ZNF292: variants seen among roughly 807,000 people sequenced by gnomAD.
ZNF292 encodes 16 zinc-finger domain protein.
ZNF292 carries 26 observed loss-of-function variants against 217.9 expected under a neutral mutation model. That is an observed-to-expected ratio of 0.12 (90% CI 0.09 to 0.17). ZNF292 has a LOEUF of 0.17. Ranked by LOEUF, ZNF292 falls within the 10% of genes least tolerant of loss-of-function variation. The probability of loss-of-function intolerance (pLI) is 1.00; values close to 1 mark genes in which losing one functional copy is unlikely to be tolerated. For synonymous variants in ZNF292, 1,257 were observed against 1,124.1 expected, an observed-to-expected ratio of 1.12 and a Z score of -2.37; for missense variants, 2,904 against 3,175.2, an observed-to-expected ratio of 0.91 and a Z score of 2.05.
chr6:87,171,736 A>G (rs1771106365), intron 1 of ZNF292, among the ~76,000 whole-genome samples: 1 of 152,166 alleles, frequency 6.6e-6, no homozygotes, highest in South Asian at 2.1e-4. Flanking sequence ...AGCTTGGACT[A>G]GTTAACATTT....
chr6:87,216,141 ACACACACACACAC>A (rs1772758544), intron 2 of ZNF292, 84 bp downstream of exon 2: 1 of 1,170,924 alleles, frequency 8.5e-7, no homozygotes, highest in African/African-American at 1.6e-5. Flanking sequence ...ACACACACAC[ACACACACACACAC>A]ACAACATTAA....
At chr6:87,225,476 T>C (rs1483786029) in intron 4 of ZNF292, among the ~76,000 whole-genome samples, 1 of 152,154 alleles carries the variant, frequency 6.6e-6, no homozygotes, top group East Asian at 1.9e-4. Context: ...CTATGGTCTT[T>C]TCTAGAAATT....
rs563836574 is a variant in ZNF292, at chr6:87,239,460, C to T, written c.742-4015C>T. 8.2e-3 allele frequency among the ~76,000 whole-genome samples: 1,196 copies of T among 145,988 alleles called. 13 individuals carry two copies. Among genetic ancestry groups the T allele is most frequent in the African/African-American group, 0.029 (1,059 of 36,456 alleles). On this transcript the variant is annotated intron_variant, in intron 5 of 7. Transcript: ENST00000369577. ...CGGGGGCTGCCCCCCACCTACCTCCCGGATGGGGCGGCTGGCCGGGCGGGG... is the reference window on the plus strand; with the variant it reads ...CGGGGGCTGCCCCCCACCTACCTCCTGGATGGGGCGGCTGGCCGGGCGGGG...
At chr6:87,189,184 G>A (rs982957566) in intron 1 of ZNF292, among the ~76,000 whole-genome samples, 7 of 151,840 alleles carry the variant, frequency 4.6e-5, no homozygotes, top group Admixed American at 6.6e-5. Context: ...CAGCCTGGGC[G>A]ACAGAGTGAA....
chr6:87,162,668 C>CGCA (rs1770785878), intron 1 of ZNF292, among the ~76,000 whole-genome samples: 1 of 152,148 alleles, frequency 6.6e-6, no homozygotes, highest in Non-Finnish European at 1.5e-5. Flanking sequence ...CTAAGCTTTG[C>CGCA]TTGCCCCCTT....
At chr6:87,184,559 C>T (rs1024137576) in intron 1 of ZNF292, among the ~76,000 whole-genome samples, 2 of 144,786 alleles carry the variant, frequency 1.4e-5, no homozygotes, top group African/African-American at 5.2e-5. Context: ...TGATTGGCTT[C>T]TCCAATACTA....
rs78256601 is a variant in ZNF292 at position 87,221,555 on chromosome 6, A to G, written c.538+2824A>G. On this transcript the variant is annotated intron_variant, in intron 4 of 7. Coordinates refer to ENST00000369577, the MANE Select transcript of ZNF292 (RefSeq NM_015021.3). ...TGGACCTGGTGCTGCCTCTAAAGCC[A>G]TAGTAAAGTATAAATCTCTCTTTCA... 6.5e-3 allele frequency among the ~76,000 whole-genome samples: 995 copies of G among 152,328 alleles called. 16 individuals carry two copies. Among genetic ancestry groups the G allele is most frequent in the African/African-American group, 0.023 (954 of 41,578 alleles).
intron 1 of ZNF292, among the ~76,000 whole-genome samples, chr6:87,164,793 T>C (rs9294373): frequency 0.63 from 91,852 of 146,546 alleles, 30,459 homozygotes; most frequent in African/African-American, 0.85. Context: ...TATGGAGTCT[T>C]GCTCTGTCGC....
chr6:87,259,722 T>C lies in ZNF292; in HGVS notation c.6093T>C (p.Asn2031=). 6.2e-7 allele frequency: 1 copy of C among 1,603,014 alleles called. No individual in the cohort carries two copies. The highest frequency in any genetic ancestry group is 8.5e-7 in the Non-Finnish European group (1 of 1,174,612). The change falls in exon 8 of 8, where the codon AAT becomes AAC. Residue 2031 remains asparagine (N), a synonymous_variant. Coordinates refer to ENST00000369577, the MANE Select transcript of ZNF292 (RefSeq NM_015021.3). ...TAGAATTGAGAGCAGAGACCCAAAA[T>C]ACCCACAGTAATGTAGCAGTGATCC... The part of the protein sequence containing the change: ...PALELRAETQ[N]THSNVAVIPE...
intron 1 of ZNF292, among the ~76,000 whole-genome samples, chr6:87,176,763 T>C (rs1771310201): frequency 6.6e-6 from 1 of 152,296 alleles, no homozygotes; most frequent in South Asian, 2.1e-4. Flanking sequence ...TCTTCAGCAG[T>C]CATCCACTCT....
chr6:87,263,231 G>C lies in ZNF292; in HGVS notation c.*1430G>C, dbSNP rs545732253. 2.6e-5 allele frequency: 4 copies of C among 152,154 alleles called. No individual in the cohort carries two copies. Among genetic ancestry groups the C allele is most frequent in the Admixed American group, 6.5e-5 (1 of 15,278 alleles). 9.4% of individuals were successfully genotyped at this position (152,154 alleles called of 1,614,324 possible). ...TTCATTTAAAGTCCAACTAAAATCA[G>C]TAGTAGAAACATAAGAAAACATCTT... On this transcript the variant is annotated 3_prime_UTR_variant, in exon 8 of 8. Coordinates refer to ENST00000369577, the MANE Select transcript of ZNF292 (RefSeq NM_015021.3).
Position 87,264,907 on chromosome 6 carries a change from G to A in ZNF292, c.*3106G>A, listed in dbSNP as rs1209458937. 3.9e-5 allele frequency among the ~76,000 whole-genome samples: 6 copies of A among 152,186 alleles called. No homozygotes were observed. Among genetic ancestry groups the A allele is most frequent in the Admixed American group, 3.3e-4 (5 of 15,286 alleles). The stretch of plus-strand genomic sequence containing the variant: ...ATTAGGGGGACCTAAAATAGTCCAG[G>A]CAAAAAATGATGGGAGCCAGAAGAA... On this transcript the variant is annotated 3_prime_UTR_variant, in exon 8 of 8. Coordinates refer to ENST00000369577, the MANE Select transcript of ZNF292 (RefSeq NM_015021.3).
At chr6:87,208,223 A>G (rs902333192) in intron 1 of ZNF292, among the ~76,000 whole-genome samples, 6 of 152,124 alleles carry the variant, frequency 3.9e-5, no homozygotes, top group Non-Finnish European at 8.8e-5. Flanking sequence ...TTTATGAGAA[A>G]GTACTTTGGT....
chr6:87,214,813 C>T (rs1186613226), intron 1 of ZNF292, among the ~76,000 whole-genome samples: 2 of 152,056 alleles, frequency 1.3e-5, no homozygotes, highest in East Asian at 3.9e-4. Context: ...CTATTGCTTT[C>T]GTCTAATCAC....
intron 5 of ZNF292, among the ~76,000 whole-genome samples, chr6:87,236,912 T>A (rs193171286): frequency 6.6e-6 from 1 of 152,222 alleles, no homozygotes. Context: ...CACTTACTTA[T>A]ATTGTTGCCT....
rs753987951 is a variant in ZNF292 at position 87,255,416 on chromosome 6, G to C, written c.1787G>C (p.Ser596Thr). 16 of 1,613,604 alleles carry C rather than the reference G, an allele frequency of 9.9e-6. No homozygotes were observed. The Admixed American group carries it at 2.5e-4, about 25-fold the overall frequency. The change falls in exon 8 of 8, where the codon AGT (serine) becomes ACT (threonine). Residue 596 changes from serine to threonine, a missense_variant. This residue lies in a region of ZNF292 where 216 missense variants were observed against 308.3 expected (regional missense o/e 0.70). Coordinates refer to ENST00000369577, the MANE Select transcript of ZNF292 (RefSeq NM_015021.3). ...PHVTLHVKQS[S>T]KERLAAMKPL... ...GTCACACTGCATGTTAAACAATCTAGTAAAGAGAGACTAGCAGCTATGAAA... is the reference window on the plus strand; with the variant it reads ...GTCACACTGCATGTTAAACAATCTACTAAAGAGAGACTAGCAGCTATGAAA...
chr6:87,208,867 G>A (rs1772356764), intron 1 of ZNF292, among the ~76,000 whole-genome samples: 1 of 152,158 alleles, frequency 6.6e-6, no homozygotes, highest in African/African-American at 2.4e-5. Flanking sequence ...CAGGCAGTGA[G>A]TTGGAAAAAA....
At chr6:87,225,532 T>A (rs1481594807) in intron 4 of ZNF292, among the ~76,000 whole-genome samples, 1 of 152,202 alleles carries the variant, frequency 6.6e-6, no homozygotes. Flanking sequence ...CATTTTTAGA[T>A]GAATTTCTGT....
intron 4 of ZNF292, among the ~76,000 whole-genome samples, chr6:87,230,178 TAG>T (rs1773575450): frequency 6.6e-6 from 1 of 152,126 alleles, no homozygotes; most frequent in African/African-American, 2.4e-5. Context: ...TAATGTGGTG[TAG>T]AGATATTGTA....
Sources: gnomAD v4.1 joint callset for allele counts (sites outside exome capture counted in the v4.1 genomes callset) on GRCh38, gnomAD v4.1.1 for gene constraint, gnomAD v4.1.1 regional missense constraint, MANE v1.5 for transcripts, NCBI Gene and HGNC (gene_info 2026-07-23, HGNC 2026-07-21) for gene names.